RARB: variants seen among roughly 807,000 people sequenced by gnomAD.
RARB encodes retinoic acid receptor beta, also known as HBV-activated protein.
RARB carries 17 observed loss-of-function variants against 51.9 expected under a neutral mutation model. That is an observed-to-expected ratio of 0.33 (90% CI 0.22 to 0.49). The LOEUF (loss-of-function observed/expected upper bound fraction) is 0.49, where lower values mean the gene tolerates loss of function less well. Ranked by LOEUF, RARB falls within the 20% of genes least tolerant of loss-of-function variation. RARB has a pLI of 0.99. For missense variants in RARB, 369 were observed against 550.8 expected (o/e 0.67, Z 3.30); for synonymous variants, 215 against 195.4 (o/e 1.10, Z -0.84).
chr3:25,050,260 G>A (rs1036203796), intron 2 of RARB, among the ~76,000 whole-genome samples: 2 of 151,902 alleles, frequency 1.3e-5, no homozygotes, highest in African/African-American at 4.8e-5. Context: ...AAAGAGTCTA[G>A]AGGGCACATT....
At chr3:25,135,458 G>A (rs1251147412) in intron 4 of RARB, among the ~76,000 whole-genome samples, 3 of 151,890 alleles carry the variant, frequency 2.0e-5, no homozygotes, top group Non-Finnish European at 2.9e-5. Flanking sequence ...CTGAAAACCA[G>A]AGATGAGTAA....
intron 2 of RARB, among the ~76,000 whole-genome samples, chr3:25,488,557 C>CT (rs1294963197): frequency 6.6e-6 from 1 of 152,176 alleles, no homozygotes; most frequent in Non-Finnish European, 1.5e-5. Flanking sequence ...GCTTCCTGGC[C>CT]TGGGGGCAGG....
intron 5 of RARB, among the ~76,000 whole-genome samples, chr3:25,368,483 A>G (rs932463998): frequency 6.6e-6 from 1 of 152,182 alleles, no homozygotes; most frequent in Non-Finnish European, 1.5e-5. Context: ...AAAGATGTTT[A>G]CTGTAATATA....
At chr3:24,864,782 A>G (rs577741850) in intron 2 of RARB, among the ~76,000 whole-genome samples, 13 of 152,328 alleles carry the variant, frequency 8.5e-5, no homozygotes, top group Admixed American at 2.6e-4. Context: ...TTTACTATCA[A>G]TCTTTTACAA....
intron 3 of RARB, among the ~76,000 whole-genome samples, chr3:25,108,226 G>A (rs571017456): frequency 2.0e-5 from 3 of 152,210 alleles, no homozygotes; most frequent in Non-Finnish European, 4.4e-5. Flanking sequence ...CATTTTGGAC[G>A]ATGGTTGATC....
intron 2 of RARB, among the ~76,000 whole-genome samples, chr3:24,893,419 A>G (rs1460712080): frequency 1.3e-5 from 2 of 152,046 alleles, no homozygotes. Context: ...TTTGCCACCT[A>G]CTCTGTGCAT....
At chr3:24,930,099 T>C (rs186542993) in intron 2 of RARB, among the ~76,000 whole-genome samples, 220 of 152,220 alleles carry the variant, frequency 1.4e-3, no homozygotes, top group African/African-American at 5.0e-3. Flanking sequence ...TAGCGGGATT[T>C]TTTTATTGGT....
intron 4 of RARB, among the ~76,000 whole-genome samples, chr3:25,574,645 C>T (rs1444420211): frequency 1.3e-5 from 2 of 152,192 alleles, no homozygotes; most frequent in African/African-American, 2.4e-5. Flanking sequence ...GTAAGCTGTC[C>T]TCCGAGGGGC....
At chr3:25,006,026 C>T (rs1697265091) in intron 2 of RARB, among the ~76,000 whole-genome samples, 1 of 152,076 alleles carries the variant, frequency 6.6e-6, no homozygotes, top group South Asian at 2.1e-4. Context: ...AGGGCTTTTG[C>T]ACTCACTGTT....
chr3:25,391,674 C>G (rs755675255), intron 5 of RARB, among the ~76,000 whole-genome samples: 128 of 152,134 alleles, frequency 8.4e-4, no homozygotes, highest in Non-Finnish European at 1.5e-3. Flanking sequence ...TGTTTGTTGG[C>G]CATTTGTATA....
chr3:24,832,628 A>ATATAT (rs1559366440), intron 1 of RARB, among the ~76,000 whole-genome samples: 1,487 of 88,434 alleles, frequency 0.017, 48 homozygotes, highest in Non-Finnish European at 0.024. Flanking sequence ...ATTGAGTCCC[A>ATATAT]ATATATATAT....
At chr3:25,201,888 TTC>T (rs759289403) in intron 5 of RARB, among the ~76,000 whole-genome samples, 2 of 121,558 alleles carry the variant, frequency 1.6e-5, no homozygotes, top group African/African-American at 3.5e-5. Flanking sequence ...TGGTCTACAA[TTC>T]TCTTTTTTTG....
At chr3:25,097,751 C>G (rs1006835733) in intron 3 of RARB, among the ~76,000 whole-genome samples, 5 of 152,128 alleles carry the variant, frequency 3.3e-5, no homozygotes, top group African/African-American at 1.2e-4. Flanking sequence ...CCTCACTGCC[C>G]TCACCTCCTC....
intron 3 of RARB, among the ~76,000 whole-genome samples, chr3:25,561,010 A>G (rs997033012): frequency 3.9e-5 from 6 of 152,214 alleles, no homozygotes; most frequent in Admixed American, 3.3e-4. Flanking sequence ...TGCAATGAAC[A>G]AAAACTGATG....
intron 1 of RARB, among the ~76,000 whole-genome samples, chr3:25,455,217 A>AT (rs879544212): frequency 5.3e-5 from 8 of 152,028 alleles, no homozygotes; most frequent in East Asian, 1.9e-4. Flanking sequence ...ATTAAATCTA[A>AT]TTTTTTTTAA....
intron 3 of RARB, among the ~76,000 whole-genome samples, chr3:25,088,354 T>G (rs1209879503): frequency 6.6e-6 from 1 of 152,190 alleles, no homozygotes; most frequent in Non-Finnish European, 1.5e-5. Flanking sequence ...AAGAGTTTTA[T>G]TCGGTCTCAA....
intron 5 of RARB, among the ~76,000 whole-genome samples, chr3:25,303,766 T>C (rs1163967369): frequency 6.6e-6 from 1 of 152,208 alleles, no homozygotes; most frequent in Non-Finnish European, 1.5e-5. Context: ...TAAAGCTGCT[T>C]TGAGCACCGT....
intron 3 of RARB, among the ~76,000 whole-genome samples, chr3:25,113,368 A>C (rs1575166267): frequency 6.6e-6 from 1 of 152,190 alleles, no homozygotes; most frequent in African/African-American, 2.4e-5. Flanking sequence ...CTAAAAGTCT[A>C]ATTTTGTTCA....
rs201150954 is a variant in RARB at position 25,432,182 on chromosome 3, ATTC to A, written c.157+3295_157+3297del. 5.3e-5 allele frequency among the ~76,000 whole-genome samples: 8 copies of A among 152,328 alleles called. 1 individual carries two copies. The East Asian group carries it at 1.5e-3, about 29-fold the overall frequency. ...TGGGTTGTTCGAAAACAAGTGAAAG[ATTC>A]ACAAAGTTTTCCTTCCTTGTAGAAA... is the stretch of plus-strand genomic sequence containing the variant. On this transcript the variant is annotated intron_variant, in intron 1 of 7. Transcript: ENST00000330688.
Sources: allele counts gnomAD v4.1 joint callset (sites outside exome capture counted in the v4.1 genomes callset), GRCh38; gene constraint gnomAD v4.1.1; transcripts MANE v1.5; gene names NCBI Gene and HGNC (gene_info 2026-07-23, HGNC 2026-07-21).